Variants in INPP5A observed in about 807,000 individuals in gnomAD.
INPP5A encodes the protein inositol polyphosphate-5-phosphatase A, also known as 43 kDa inositol polyphosphate 5-phophatase.
In INPP5A, 14 loss-of-function variants were observed where a neutral mutation model predicts 65.2. That is an observed-to-expected ratio of 0.21 (90% CI 0.14 to 0.34). INPP5A has a LOEUF of 0.34. INPP5A is among the 10% of genes least tolerant of loss of function. The pLI, the probability that INPP5A is intolerant of heterozygous loss-of-function variation, is 1.00. For missense variants in INPP5A, 431 were observed against 545.6 expected (o/e 0.79, Z 2.09); for synonymous variants, 207 against 208.3 (o/e 0.99, Z 0.05).
At chr10:132,630,487 A>G (rs1017904428) in intron 2 of INPP5A, among the ~76,000 whole-genome samples, 4 of 151,208 alleles carry the variant, frequency 2.6e-5, no homozygotes, top group Admixed American at 6.6e-5. Flanking sequence ...GCATACATGA[A>G]GAGAGGCCAT....
At chr10:132,557,935 G>C (rs1357064040) in intron 1 of INPP5A, among the ~76,000 whole-genome samples, 2 of 152,200 alleles carry the variant, frequency 1.3e-5, no homozygotes, top group Non-Finnish European at 2.9e-5. Flanking sequence ...TCTGTCCCGC[G>C]TGCCCGCCTC....
intron 1 of INPP5A, among the ~76,000 whole-genome samples, chr10:132,599,569 C>A (rs529949794): frequency 1.3e-5 from 2 of 152,358 alleles, no homozygotes; most frequent in East Asian, 1.9e-4. Flanking sequence ...GTTGGTGAAT[C>A]TGCCATTCTG....
intron 1 of INPP5A, among the ~76,000 whole-genome samples, chr10:132,567,171 C>T (rs1399871735): frequency 1.3e-5 from 2 of 152,230 alleles, no homozygotes; most frequent in South Asian, 2.1e-4. Context: ...ATCCGGCCAC[C>T]CTCCTGTGCA....
intron 2 of INPP5A, among the ~76,000 whole-genome samples, chr10:132,628,478 G>T (rs1219486877): frequency 1.5e-5 from 2 of 137,036 alleles, no homozygotes; most frequent in African/African-American, 5.5e-5. Flanking sequence ...GGGGGGGGGG[G>T]CGTGGCGTGG....
In INPP5A at chr10:132,545,881, A is replaced by G. The variant is rs1288396829; in HGVS notation, c.75+7710A>G. ...GGCTTTCAGGAAGGCCGACTGCCTCAATCGTGGTTGCTGCCTCCGCTCGGC... is the reference window on the plus strand; with the variant it reads ...GGCTTTCAGGAAGGCCGACTGCCTCGATCGTGGTTGCTGCCTCCGCTCGGC... On this transcript the variant is annotated intron_variant, in intron 1 of 15. Coordinates refer to ENST00000368594, the MANE Select transcript of INPP5A (RefSeq NM_005539.5). The surrounding 1 kb of genome is among the most constrained non-coding windows in gnomAD (Gnocchi z 4.6). Among the ~76,000 whole-genome samples the G allele has an allele frequency of 2.0e-5, 3 of 152,200 alleles. No individual in the cohort carries two copies. The highest frequency in any genetic ancestry group is 2.9e-5 in the Non-Finnish European group (2 of 68,026).
Position 132,644,481 on chromosome 10 carries a change from G to A in INPP5A, c.118-1387G>A, listed in dbSNP as rs924043012. Among the ~76,000 whole-genome samples, 4 of 152,248 alleles carry A rather than the reference G, an allele frequency of 2.6e-5. No homozygotes were observed. Among genetic ancestry groups the A allele is most frequent in the Non-Finnish European group, 5.9e-5 (4 of 68,038 alleles). ...CTGAGCCCGTCGTCCCTTGCTGGCTGCCCACTTGCTCAGCTGCGCCCTGGA... is the reference window on the plus strand; with the variant it reads ...CTGAGCCCGTCGTCCCTTGCTGGCTACCCACTTGCTCAGCTGCGCCCTGGA... On this transcript the variant is annotated intron_variant, in intron 2 of 15. Transcript: ENST00000368594. The surrounding 1 kb of genome is among the most constrained non-coding windows in gnomAD (Gnocchi z 6.5).
At chr10:132,767,633 G>A (rs1421075554) in intron 12 of INPP5A, among the ~76,000 whole-genome samples, 1 of 152,198 alleles carries the variant, frequency 6.6e-6, no homozygotes, top group East Asian at 1.9e-4. Flanking sequence ...CCCCCATCCC[G>A]CTTGGATCTG....
At chr10:132,764,040 G>A (rs1846785890) in intron 11 of INPP5A, among the ~76,000 whole-genome samples, 2 of 152,286 alleles carry the variant, frequency 1.3e-5, no homozygotes, top group Admixed American at 6.5e-5. Context: ...TGTGGGTGCT[G>A]GAGGGAGGGA....
chr10:132,593,655 A>G (rs1201308584), intron 1 of INPP5A, among the ~76,000 whole-genome samples: 2 of 151,904 alleles, frequency 1.3e-5, no homozygotes, highest in African/African-American at 4.8e-5. Context: ...TGACAAGTTC[A>G]CTCTAATTCT....
intron 2 of INPP5A, among the ~76,000 whole-genome samples, chr10:132,613,088 G>A (rs866929674): frequency 6.6e-6 from 1 of 152,194 alleles, no homozygotes; most frequent in Non-Finnish European, 1.5e-5. Context: ...CCACGTACAT[G>A]TCCCATTTCT....
chr10:132,645,104 T>C (rs1489552614), intron 2 of INPP5A, among the ~76,000 whole-genome samples: 1 of 152,212 alleles, frequency 6.6e-6, no homozygotes, highest in Non-Finnish European at 1.5e-5. Context: ...TGCACTGCTC[T>C]TTAGCTGTAA....
Position 132,547,255 on chromosome 10 carries a change from G to A in INPP5A, c.75+9084G>A, listed in dbSNP as rs1038582280. ...TGGTGGCTCAGGGTGGTCAGGGAGG[G>A]CGTGGCTGTCACATGGTTTCTGGAC... On this transcript the variant is annotated intron_variant, in intron 1 of 15. Coordinates refer to ENST00000368594, the MANE Select transcript of INPP5A (RefSeq NM_005539.5). This position sits in a 1 kb window ranked among gnomAD's most constrained non-coding sequence, Gnocchi z 5.5. Among the ~76,000 whole-genome samples, 16 of 152,216 alleles carry A rather than the reference G, an allele frequency of 1.1e-4. No individual in the cohort carries two copies. Among genetic ancestry groups the A allele is most frequent in the African/African-American group, 2.7e-4 (11 of 41,464 alleles).
At chr10:132,742,948 T>C (rs1481304879) in intron 9 of INPP5A, among the ~76,000 whole-genome samples, 1 of 152,244 alleles carries the variant, frequency 6.6e-6, no homozygotes, top group Non-Finnish European at 1.5e-5. Flanking sequence ...GTGGCTGAAA[T>C]TCGACCCAGC....
In INPP5A at chr10:132,676,750, C is replaced by T. The variant is rs2072969487; in HGVS notation, c.307-13642C>T. Reference sequence around the variant, plus strand: ...CGTCCTAGTCCCTGACCGGCCCCTCCTGTTTCCCCCGTGGCTCCTTGCCCC... The same window carrying T: ...CGTCCTAGTCCCTGACCGGCCCCTCTTGTTTCCCCCGTGGCTCCTTGCCCC... On this transcript the variant is annotated intron_variant, in intron 4 of 15. Coordinates refer to ENST00000368594, the MANE Select transcript of INPP5A (RefSeq NM_005539.5). The surrounding 1 kb of genome is among the most constrained non-coding windows in gnomAD (Gnocchi z 4.0). Among the ~76,000 whole-genome samples, 1 of 152,238 alleles carries T rather than the reference C, an allele frequency of 6.6e-6. No homozygotes were observed. The highest frequency in any genetic ancestry group is 6.5e-5 in the Admixed American group (1 of 15,290).
At chr10:132,654,992 G>T (rs1286912567) in intron 4 of INPP5A, among the ~76,000 whole-genome samples, 1 of 152,256 alleles carries the variant, frequency 6.6e-6, no homozygotes, top group African/African-American at 2.4e-5. Context: ...GCTGGGCGCG[G>T]TGGCTCACGC....
Position 132,555,080 on chromosome 10 carries a change from A to G in INPP5A, c.75+16909A>G, listed in dbSNP as rs2071109433. Among the ~76,000 whole-genome samples the G allele has an allele frequency of 6.9e-6, 1 of 144,758 alleles. No homozygotes were observed. The highest frequency in any genetic ancestry group is 6.8e-5 in the Admixed American group (1 of 14,654). 95.0% of individuals were successfully genotyped at this position (144,758 alleles called of 152,430 possible). On this transcript the variant is annotated intron_variant, in intron 1 of 15. Coordinates refer to ENST00000368594, the MANE Select transcript of INPP5A (RefSeq NM_005539.5). This position sits in a 1 kb window ranked among gnomAD's most constrained non-coding sequence, Gnocchi z 4.4. The stretch of plus-strand genomic sequence containing the variant: ...TGGCGTGGTTGGCATTGATGTGGGT[A>G]GCATGGGCAGTGTGGGTGGCATGGC...
At chr10:132,647,268 A>G (rs970897477) in intron 3 of INPP5A, among the ~76,000 whole-genome samples, 3 of 152,002 alleles carry the variant, frequency 2.0e-5, no homozygotes, top group Non-Finnish European at 4.4e-5. Context: ...GGTGCCCACC[A>G]CCACACCCAG....
Position 132,592,336 on chromosome 10 carries a change from C to T in INPP5A, c.76-15579C>T, listed in dbSNP as rs1369615375. Among the ~76,000 whole-genome samples the T allele has an allele frequency of 3.3e-5, 5 of 152,158 alleles. No homozygotes were observed. In the South Asian group the frequency reaches 6.2e-4, roughly 19 times the overall value. ...ATTGTAAGATAGTTTGTTAACTATT[C>T]GGGGAAAGGTTTAAATTGGGGTCTT... On this transcript the variant is annotated intron_variant, in intron 1 of 15. Coordinates refer to ENST00000368594, the MANE Select transcript of INPP5A (RefSeq NM_005539.5).
rs1437464015 is a variant in INPP5A at position 132,609,469 on chromosome 10, G to A, written c.117+1513G>A. Among the ~76,000 whole-genome samples the A allele has an allele frequency of 2.0e-5, 3 of 152,126 alleles. No homozygotes were observed. In the East Asian group the frequency reaches 5.8e-4, roughly 29 times the overall value. On this transcript the variant is annotated intron_variant, in intron 2 of 15. Coordinates refer to ENST00000368594, the MANE Select transcript of INPP5A (RefSeq NM_005539.5). ...AGACCCACATCCTTGCAGAACCTTC[G>A]TCCTCTCCTGGTGTGTCTCCCCTCC...
Sources: allele counts gnomAD v4.1 joint callset (sites outside exome capture counted in the v4.1 genomes callset), GRCh38; gene constraint gnomAD v4.1.1; non-coding constraint Gnocchi (gnomAD v3.1); transcripts MANE v1.5; gene names NCBI Gene and HGNC (gene_info 2026-07-23, HGNC 2026-07-21).